Variants in AKAP8L observed in about 807,000 individuals in gnomAD.
AKAP8L encodes the protein A-kinase anchoring protein 8 like.
AKAP8L carries 34 observed loss-of-function variants against 77.5 expected under a neutral mutation model. The observed-to-expected ratio is 0.44, with a 90% confidence interval of 0.33 to 0.58. The LOEUF (loss-of-function observed/expected upper bound fraction) is 0.58, where lower values mean the gene tolerates loss of function less well. AKAP8L is among the 20% of genes least tolerant of loss of function. The probability of loss-of-function intolerance (pLI) is 0.02; values close to 1 mark genes in which losing one functional copy is unlikely to be tolerated. For missense variants in AKAP8L, 806 were observed against 887.6 expected (o/e 0.91, Z 1.17); for synonymous variants, 342 against 340.7 (o/e 1.00, Z -0.04).
At chr19:15,382,352 C>A (rs1967437083) in intron 12 of AKAP8L, among the ~76,000 whole-genome samples, 1 of 152,080 alleles carries the variant, frequency 6.6e-6, no homozygotes, top group Non-Finnish European at 1.5e-5. Context: ...CGGGCACGCA[C>A]CACCACACCC....
intron 1 of AKAP8L, among the ~76,000 whole-genome samples, chr19:15,411,310 G>C (rs1016322545): frequency 6.6e-6 from 1 of 152,044 alleles, no homozygotes; most frequent in African/African-American, 2.4e-5. Context: ...ATCTGAAACA[G>C]AAACTGCTTT....
intron 12 of AKAP8L, among the ~76,000 whole-genome samples, chr19:15,387,743 A>G (rs1967569236): frequency 1.3e-5 from 2 of 152,068 alleles, no homozygotes; most frequent in Admixed American, 1.3e-4. Context: ...GGTGGCTCAT[A>G]AGATCAAGAG....
At chr19:15,411,485 G>A (rs1421991627) in intron 1 of AKAP8L, among the ~76,000 whole-genome samples, 1 of 150,294 alleles carries the variant, frequency 6.7e-6, no homozygotes, top group African/African-American at 2.4e-5. Context: ...AAAGCCAGCT[G>A]TGGCAGCATG....
intron 12 of AKAP8L, among the ~76,000 whole-genome samples, chr19:15,382,287 C>T (rs908824144): frequency 6.6e-6 from 1 of 151,654 alleles, no homozygotes; most frequent in African/African-American, 2.4e-5. Context: ...CTGCAACCTC[C>T]GCCTCCCAGG....
In AKAP8L at chr19:15,403,757, GCAGAGGGGAGGCAGA is replaced by G. The variant is rs1568270422; in HGVS notation, c.122-57_122-43del. On this transcript the variant is annotated intron_variant, in intron 3 of 13. Transcript: ENST00000397410. The surrounding 1 kb of genome is among the most constrained non-coding windows in gnomAD (Gnocchi z 4.3). The stretch of plus-strand genomic sequence containing the variant: ...AGAGACAGACAGATGGTGGGGGCAG[GCAGAGGGGAGGCAGA>G]CAGAGACAGAGACAAACACAGATAC... 3.4e-6 allele frequency: 5 copies of G among 1,460,328 alleles called. No homozygotes were observed. Among genetic ancestry groups the G allele is most frequent in the Non-Finnish European group, 4.7e-6 (5 of 1,062,270 alleles). 90.5% of individuals were successfully genotyped at this position (1,460,328 alleles called of 1,614,324 possible). A position where few individuals can be genotyped will look rare whatever the true frequency, so the allele number is the denominator to read the frequency against.
At chr19:15,380,962 A>T (rs1472459066) in intron 12 of AKAP8L, 1 of 244,320 alleles carries the variant, frequency 4.1e-6, no homozygotes, top group African/African-American at 2.2e-5. Context: ...CAAGGTGCCA[A>T]CTAGGCTAAT....
Position 15,403,730 on chromosome 19 carries a change from A to C in AKAP8L, c.122-15T>G, listed in dbSNP as rs1967945570. 5.2e-6 allele frequency: 8 copies of C among 1,548,596 alleles called. No individual in the cohort carries two copies. The highest frequency in any genetic ancestry group is 7.0e-6 in the Non-Finnish European group (8 of 1,140,838). ...GCCCTCGTAGCCTGCAGTGAGGGAG[A>C]CAGAGACAGACAGATGGTGGGGGCA... On this transcript the variant is annotated splice_polypyrimidine_tract_variant and intron_variant, in intron 3 of 13. Transcript: ENST00000397410. This position sits in a 1 kb window ranked among gnomAD's most constrained non-coding sequence, Gnocchi z 4.3.
intron 12 of AKAP8L, among the ~76,000 whole-genome samples, chr19:15,395,780 C>T (rs1352519639): frequency 4.9e-5 from 7 of 144,260 alleles, no homozygotes; most frequent in South Asian, 2.2e-4. Context: ...GTCAGGAGAT[C>T]GAGACCATCC....
rs370686410 is a variant in AKAP8L at position 15,397,638 on chromosome 19, T to C, written c.1300-13A>G. On this transcript the variant is annotated splice_polypyrimidine_tract_variant and intron_variant, in intron 10 of 13. Transcript: ENST00000397410. The surrounding 1 kb of genome is among the most constrained non-coding windows in gnomAD (Gnocchi z 4.7). ...TAGTGACGTACTCCTGCAAGGAATA[T>C]AAAGGTTCATGTGGGCCGCCTTATG... 2.5e-6 allele frequency: 4 copies of C among 1,613,734 alleles called. No homozygotes were observed. The African/African-American group carries it at 5.3e-5, about 22-fold the overall frequency.
chr19:15,393,253 G>C (rs7253129), intron 12 of AKAP8L, among the ~76,000 whole-genome samples: 121,181 of 152,092 alleles, frequency 0.8, 48,531 homozygotes, highest in East Asian at 0.99. Context: ...AGAAAACACA[G>C]GGGTAAATCT....
At chr19:15,418,870 C>T (rs1250851469) in intron 1 of AKAP8L, 41 bp downstream of exon 1, 1 of 1,584,378 alleles carries the variant, frequency 6.3e-7, no homozygotes, top group South Asian at 1.1e-5. Context: ...GTCCCTGTCC[C>T]ATCCCCCACG....
At position 15,397,611 on chromosome 19, in the gene AKAP8L, G is replaced by A. The variant is rs374419052; in HGVS notation, c.1314C>T (p.Asn438=). The change falls in exon 11 of 14, where the codon AAC becomes AAT. Residue 438 remains asparagine (N), a synonymous_variant. Transcript: ENST00000397410. This position sits in a 1 kb window ranked among gnomAD's most constrained non-coding sequence, Gnocchi z 4.7. ...GGAGCTCCTCTGTCTTCTTGGTCTT[G>A]TTAGTGACGTACTCCTGCAAGGAAT... ...TADFLQEYVT[N]KTKKTEELRK... 1 of 1,613,802 alleles carries A rather than the reference G, an allele frequency of 6.2e-7. No individual in the cohort carries two copies. The highest frequency in any genetic ancestry group is 8.5e-7 in the Non-Finnish European group (1 of 1,179,882).
intron 1 of AKAP8L, 38 bp from the exon 2 acceptor site, chr19:15,410,632 A>G: frequency 6.6e-7 from 1 of 1,517,636 alleles, no homozygotes; most frequent in Non-Finnish European, 9.0e-7. Flanking sequence ...TCCACAAGCA[A>G]GTCACAGGGA....
chr19:15,391,457 CAAAAAAA>C (rs1163781609), intron 12 of AKAP8L, among the ~76,000 whole-genome samples: 8 of 34,918 alleles, frequency 2.3e-4, no homozygotes, highest in African/African-American at 8.5e-4. Flanking sequence ...GACTCTGTCT[CAAAAAAA>C]AAAAAAAAAA....
chr19:15,382,389 T>C (rs1031578311), intron 12 of AKAP8L, among the ~76,000 whole-genome samples: 2 of 151,838 alleles, frequency 1.3e-5, no homozygotes, highest in African/African-American at 4.8e-5. Context: ...TTTTAGTAGA[T>C]ACAGGGTTTT....
intron 12 of AKAP8L, chr19:15,383,501 T>C (rs1427461657): frequency 3.3e-5 from 5 of 152,188 alleles, no homozygotes; most frequent in African/African-American, 4.8e-5. Context: ...GCCTTGCATA[T>C]TGGTTTTCTG....
chr19:15,399,606 G>C lies in AKAP8L; in HGVS notation c.1049-196C>G. On this transcript the variant is annotated intron_variant, in intron 8 of 13. Coordinates refer to ENST00000397410, the MANE Select transcript of AKAP8L (RefSeq NM_014371.4). The surrounding 1 kb of genome is among the most constrained non-coding windows in gnomAD (Gnocchi z 6.1). Reference sequence around the variant, plus strand: ...GTGGGTTTGGCCTAGGCCCCAAGGAGTGGGGGCCAGGCGATGACCCCTCCA... The same window carrying C: ...GTGGGTTTGGCCTAGGCCCCAAGGACTGGGGGCCAGGCGATGACCCCTCCA... 1.7e-6 allele frequency: 1 copy of C among 594,552 alleles called. No individual in the cohort carries two copies. The highest frequency in any genetic ancestry group is 1.9e-5 in the South Asian group (1 of 51,496). 36.8% of individuals were successfully genotyped at this position (594,552 alleles called of 1,614,324 possible). A position where few individuals can be genotyped will look rare whatever the true frequency, so the allele number is the denominator to read the frequency against.
chr19:15,392,454 G>GC (rs2145119394), intron 12 of AKAP8L, among the ~76,000 whole-genome samples: 1 of 151,578 alleles, frequency 6.6e-6, no homozygotes, highest in East Asian at 2.0e-4. Flanking sequence ...TCATGATGGT[G>GC]CCACTGCACT....
rs1051572618 is a variant in AKAP8L at position 15,418,986 on chromosome 19, G to C, written c.-63C>G. Reference sequence around the variant, plus strand: ...TGCTGCTCTGAACATCCGACGCTGCGATAGCTGCTGCTAACCACAGGGTCC... The same window carrying C: ...TGCTGCTCTGAACATCCGACGCTGCCATAGCTGCTGCTAACCACAGGGTCC... On this transcript the variant is annotated 5_prime_UTR_variant, in exon 1 of 14. In the 5' UTR this introduces an upstream ATG that the reference lacks. Transcript: ENST00000397410. The C allele has an allele frequency of 6.2e-7, 1 of 1,600,056 alleles. No individual in the cohort carries two copies. Among genetic ancestry groups the C allele is most frequent in the African/African-American group, 1.3e-5 (1 of 74,884 alleles).
Sources: allele counts gnomAD v4.1 joint callset (sites outside exome capture counted in the v4.1 genomes callset), GRCh38; gene constraint gnomAD v4.1.1; non-coding constraint Gnocchi (gnomAD v3.1); transcripts MANE v1.5; gene names NCBI Gene and HGNC (gene_info 2026-07-23, HGNC 2026-07-21).